KCNMA1: variants seen among roughly 807,000 people sequenced by gnomAD.
KCNMA1 encodes potassium calcium-activated channel subfamily M alpha 1, also known as Calcium-activated potassium channel subunit alpha-1.
A neutral mutation model predicts 140.0 loss-of-function variants in KCNMA1; 29 were observed. The observed-to-expected ratio is 0.21, with a 90% CI of 0.15 to 0.28. The LOEUF (loss-of-function observed/expected upper bound fraction) is 0.28, where lower values mean the gene tolerates loss of function less well. KCNMA1 is among the 10% of genes least tolerant of loss of function. The probability of loss-of-function intolerance (pLI) is 1.00; values close to 1 mark genes in which losing one functional copy is unlikely to be tolerated. For synonymous variants in KCNMA1, 612 were observed against 611.9 expected (o/e 1.00, Z 0.00); for missense variants, 880 against 1,602.2 (o/e 0.55, Z 7.70).
intron 3 of KCNMA1, among the ~76,000 whole-genome samples, chr10:77,221,226 C>T (rs569452601): frequency 1.3e-5 from 2 of 152,276 alleles, no homozygotes; most frequent in East Asian, 3.9e-4. Flanking sequence ...CTCTTTATTC[C>T]TGAAGAGCCA....
intron 23 of KCNMA1, among the ~76,000 whole-genome samples, chr10:76,936,218 T>G (rs552348575): frequency 1.3e-5 from 2 of 152,222 alleles, no homozygotes; most frequent in Admixed American, 1.3e-4. Flanking sequence ...GCAGGCCCCT[T>G]TCTGTACTTG....
chr10:77,063,421 G>C (rs2095830545), intron 14 of KCNMA1, among the ~76,000 whole-genome samples: 1 of 151,986 alleles, frequency 6.6e-6, no homozygotes, highest in African/African-American at 2.4e-5. Context: ...CTCCAGCCTG[G>C]GTGAGACAGC....
At chr10:77,222,197 T>C (rs1046317754) in intron 3 of KCNMA1, among the ~76,000 whole-genome samples, 5 of 152,186 alleles carry the variant, frequency 3.3e-5, no homozygotes, top group African/African-American at 7.2e-5. Flanking sequence ...TTGCTAAAGA[T>C]GAAGGTCACT....
chr10:77,145,380 A>T (rs1271055664), intron 5 of KCNMA1, among the ~76,000 whole-genome samples: 1 of 152,236 alleles, frequency 6.6e-6, no homozygotes, highest in East Asian at 1.9e-4. Context: ...GTATGCACAC[A>T]TACAAGTGAA....
At chr10:77,234,421 G>A (rs1235410445) in intron 3 of KCNMA1, among the ~76,000 whole-genome samples, 1 of 152,102 alleles carries the variant, frequency 6.6e-6, no homozygotes, top group Non-Finnish European at 1.5e-5. Flanking sequence ...TTCTGATACT[G>A]GAATGTAAGT....
At chr10:76,990,044 ACT>A (rs2082317040) in intron 19 of KCNMA1, among the ~76,000 whole-genome samples, 1 of 152,106 alleles carries the variant, frequency 6.6e-6, no homozygotes, top group African/African-American at 2.4e-5. Flanking sequence ...TCGTGCAACC[ACT>A]CTGTGAGATA....
chr10:77,352,621 GGTGTGTGT>G (rs10555644), intron 2 of KCNMA1, among the ~76,000 whole-genome samples: 6 of 145,214 alleles, frequency 4.1e-5, no homozygotes, highest in Non-Finnish European at 7.8e-5. Context: ...TGCAGTACAG[GGTGTGTGT>G]GTGTGTGTGT....
intron 5 of KCNMA1, among the ~76,000 whole-genome samples, chr10:77,127,801 C>T (rs1036223615): frequency 2.0e-5 from 3 of 151,908 alleles, no homozygotes; most frequent in Admixed American, 6.6e-5. Context: ...GGTAAAACCC[C>T]GCCTCTACCA....
chr10:76,991,121 CCT>C (rs1359462257), intron 19 of KCNMA1, among the ~76,000 whole-genome samples: 1 of 152,314 alleles, frequency 6.6e-6, no homozygotes, highest in African/African-American at 2.4e-5. Context: ...GATGCTGACA[CCT>C]CTCTAGCTAC....
At chr10:77,635,483 G>A (rs1037989776) in intron 1 of KCNMA1, 38 of 152,324 alleles carry the variant, frequency 2.5e-4, no homozygotes, top group African/African-American at 9.1e-4. Context: ...TTCCCCTAAA[G>A]ACAGTCGCTG....
intron 3 of KCNMA1, among the ~76,000 whole-genome samples, chr10:77,236,206 G>A (rs1488208110): frequency 1.3e-5 from 2 of 152,164 alleles, no homozygotes; most frequent in Non-Finnish European, 2.9e-5. Flanking sequence ...ATGCTGGGAG[G>A]TAACACGATC....
chr10:77,112,579 A>T (rs2097351300), intron 6 of KCNMA1, 137 bp from the exon 7 acceptor site: 2 of 700,282 alleles, frequency 2.9e-6, no homozygotes, highest in Admixed American at 2.0e-5. Context: ...ATTATAAGGG[A>T]ATTCTGGAAG....
At chr10:77,268,224 C>G (rs2063941511) in intron 2 of KCNMA1, among the ~76,000 whole-genome samples, 2 of 152,164 alleles carry the variant, frequency 1.3e-5, no homozygotes, top group Admixed American at 1.3e-4. Context: ...TGTAGCCACT[C>G]TAGGAGAGTT....
intron 2 of KCNMA1, among the ~76,000 whole-genome samples, chr10:77,277,872 G>A (rs981992704): frequency 8.5e-5 from 13 of 152,250 alleles, no homozygotes; most frequent in Middle Eastern, 3.4e-3. Flanking sequence ...CTTTGGACAT[G>A]GACTGTTGGG....
intron 1 of KCNMA1, among the ~76,000 whole-genome samples, chr10:77,516,109 T>G (rs143413098): frequency 4.4e-4 from 67 of 152,248 alleles, no homozygotes; most frequent in African/African-American, 1.5e-3. Context: ...ATTTGACATA[T>G]CCAGGGGCTT....
chr10:77,024,228 AC>A (rs1445836992), intron 16 of KCNMA1, among the ~76,000 whole-genome samples: 1 of 152,184 alleles, frequency 6.6e-6, no homozygotes, highest in Non-Finnish European at 1.5e-5. Context: ...CAGAGGTGCA[AC>A]CACTGTGGAC....
At chr10:77,304,599 A>G (rs1169214393) in intron 2 of KCNMA1, 1 of 152,252 alleles carries the variant, frequency 6.6e-6, no homozygotes, top group Non-Finnish European at 1.5e-5. Context: ...TAATTTGGGA[A>G]AAAATGGCAA....
At chr10:77,194,580 G>A (rs771318355) in intron 3 of KCNMA1, among the ~76,000 whole-genome samples, 3 of 152,152 alleles carry the variant, frequency 2.0e-5, no homozygotes, top group Non-Finnish European at 2.9e-5. Context: ...GCTAGAACCA[G>A]CCTGTTCTGA....
intron 1 of KCNMA1, among the ~76,000 whole-genome samples, chr10:77,474,340 G>T (rs2098231300): frequency 6.6e-6 from 1 of 152,144 alleles, no homozygotes; most frequent in South Asian, 2.1e-4. Flanking sequence ...AGGTCATTAG[G>T]GTGGGCCTTC....
Sources: allele counts gnomAD v4.1 joint callset (sites outside exome capture counted in the v4.1 genomes callset), GRCh38; gene constraint gnomAD v4.1.1; transcripts MANE v1.5; gene names NCBI Gene and HGNC (gene_info 2026-07-23, HGNC 2026-07-21).